The following TMEM117 variants were observed in gnomAD, a reference collection of about 807,000 sequenced individuals.
The protein encoded by TMEM117 is transmembrane protein 117.
In TMEM117, 27 loss-of-function variants were observed where a neutral mutation model predicts 52.4. The observed-to-expected ratio is 0.51, with a 90% confidence interval of 0.38 to 0.71. The LOEUF is 0.71. TMEM117 is among the 30% of genes least tolerant of loss of function. The probability of loss-of-function intolerance (pLI) is 0.00; values close to 1 mark genes in which losing one functional copy is unlikely to be tolerated. For missense variants in TMEM117, 556 were observed against 630.5 expected (o/e 0.88, Z 1.26); for synonymous variants, 215 against 206.3 (o/e 1.04, Z -0.36).
At chr12:44,188,289 C>T (rs1949305145) in intron 4 of TMEM117, among the ~76,000 whole-genome samples, 1 of 152,108 alleles carries the variant, frequency 6.6e-6, no homozygotes, top group Non-Finnish European at 1.5e-5. Flanking sequence ...TTCTGCTTAT[C>T]TTTTGCAGCT....
chr12:44,191,683 T>G (rs1248225579), intron 4 of TMEM117, among the ~76,000 whole-genome samples: 1 of 152,134 alleles, frequency 6.6e-6, no homozygotes, highest in Non-Finnish European at 1.5e-5. Context: ...TAGTACCTCA[T>G]CCAGGTCTCA....
intron 7 of TMEM117, among the ~76,000 whole-genome samples, chr12:44,381,977 A>G (rs1192081239): frequency 1.3e-5 from 2 of 152,214 alleles, no homozygotes; most frequent in Non-Finnish European, 2.9e-5. Context: ...CCCGAAGATC[A>G]TGAATTTATC....
At chr12:44,151,914 A>G (rs1204199224) in intron 4 of TMEM117, among the ~76,000 whole-genome samples, 3 of 127,140 alleles carry the variant, frequency 2.4e-5, no homozygotes, top group Non-Finnish European at 3.2e-5. Context: ...AATATATAAT[A>G]TATATTATAA....
At chr12:44,157,966 A>G (rs1160836734) in intron 4 of TMEM117, among the ~76,000 whole-genome samples, 22 of 152,164 alleles carry the variant, frequency 1.4e-4, no homozygotes, top group Admixed American at 1.4e-3. Flanking sequence ...TGAGTATTTG[A>G]GGCAAAAATT....
At chr12:44,027,735 A>G (rs967166960) in intron 3 of TMEM117, among the ~76,000 whole-genome samples, 11 of 152,198 alleles carry the variant, frequency 7.2e-5, no homozygotes, top group African/African-American at 9.6e-5. Context: ...AGGACTTTAG[A>G]ACTATCGTTT....
At chr12:44,063,888 C>G (rs938778430) in intron 3 of TMEM117, among the ~76,000 whole-genome samples, 1 of 152,062 alleles carries the variant, frequency 6.6e-6, no homozygotes, top group Non-Finnish European at 1.5e-5. Context: ...AGCGAAGGAG[C>G]TGTAAATTAA....
intron 4 of TMEM117, among the ~76,000 whole-genome samples, chr12:44,151,253 A>G (rs1237888891): frequency 6.6e-6 from 1 of 150,980 alleles, no homozygotes; most frequent in Non-Finnish European, 1.5e-5. Context: ...TCTATTACTT[A>G]GTTTATACTT....
At chr12:44,136,648 T>C (rs1295385464) in intron 3 of TMEM117, among the ~76,000 whole-genome samples, 1 of 152,152 alleles carries the variant, frequency 6.6e-6, no homozygotes, top group Non-Finnish European at 1.5e-5. Flanking sequence ...GTGCACTAAA[T>C]CATGTATTGA....
intron 6 of TMEM117, among the ~76,000 whole-genome samples, chr12:44,308,232 G>A (rs1950927965): frequency 6.6e-6 from 1 of 152,152 alleles, no homozygotes; most frequent in Non-Finnish European, 1.5e-5. Flanking sequence ...CTATACTACT[G>A]CAGATGGGCA....
chr12:43,906,840 G>A (rs1944399198), intron 2 of TMEM117, among the ~76,000 whole-genome samples: 1 of 152,234 alleles, frequency 6.6e-6, no homozygotes, highest in South Asian at 2.1e-4. Context: ...GGCTCGGAGG[G>A]TCCTACCCCC....
At chr12:44,053,202 C>T (rs1034798934) in intron 3 of TMEM117, among the ~76,000 whole-genome samples, 4 of 152,224 alleles carry the variant, frequency 2.6e-5, no homozygotes, top group African/African-American at 9.6e-5. Context: ...GCTACCTGCT[C>T]TTCTGCTCAA....
the TMEM117 span, among the ~76,000 whole-genome samples, chr12:43,821,916 G>C: frequency 6.6e-6 from 1 of 152,200 alleles, no homozygotes; most frequent in Non-Finnish European, 1.5e-5. Flanking sequence ...CATTTCTAAG[G>C]TGTCAGCCAT....
chr12:44,130,366 T>G (rs932802220), intron 3 of TMEM117, among the ~76,000 whole-genome samples: 6 of 152,180 alleles, frequency 3.9e-5, no homozygotes, highest in Non-Finnish European at 5.9e-5. Flanking sequence ...GTGATAAACC[T>G]CTCCCTTCCC....
the TMEM117 span, among the ~76,000 whole-genome samples, chr12:43,820,037 C>T: frequency 6.6e-6 from 1 of 152,046 alleles, no homozygotes; most frequent in African/African-American, 2.4e-5. Context: ...CATTATTATC[C>T]ATTGCATGTG....
At chr12:43,966,642 A>G (rs1734308810) in intron 3 of TMEM117, among the ~76,000 whole-genome samples, 2 of 152,194 alleles carry the variant, frequency 1.3e-5, no homozygotes, top group South Asian at 4.1e-4. Flanking sequence ...AGTACTATTA[A>G]TAATAGAGAA....
Position 44,181,285 on chromosome 12 carries a change from T to C in TMEM117, c.511-30005T>C, listed in dbSNP as rs1949194404. Reference sequence around the variant, plus strand: ...GTCAGATGAGTAGGTTGCGAAAATTTTCTCCCATTCTGTAGGTTGCCTGTT... The same window carrying C: ...GTCAGATGAGTAGGTTGCGAAAATTCTCTCCCATTCTGTAGGTTGCCTGTT... On this transcript the variant is annotated intron_variant, in intron 4 of 7. Coordinates refer to ENST00000266534, the MANE Select transcript of TMEM117 (RefSeq NM_032256.3). Among the ~76,000 whole-genome samples, 8 of 152,030 alleles carry C rather than the reference T, an allele frequency of 5.3e-5. No individual in the cohort carries two copies. The South Asian group carries it at 1.7e-3, about 32-fold the overall frequency.
At chr12:44,030,783 A>G (rs1389041129) in intron 3 of TMEM117, among the ~76,000 whole-genome samples, 1 of 152,212 alleles carries the variant, frequency 6.6e-6, no homozygotes, top group East Asian at 1.9e-4. Flanking sequence ...GTTAAGTTAA[A>G]TAGGATAAAG....
In TMEM117 at chr12:43,944,222, G is replaced by A. The variant is rs752235259; in HGVS notation, c.290G>A (p.Arg97Gln). 4.3e-6 allele frequency: 7 copies of A among 1,610,824 alleles called. No individual in the cohort carries two copies. The highest frequency in any genetic ancestry group is 1.3e-5 in the African/African-American group (1 of 74,798). The change falls in exon 3 of 8, where the codon CGA (arginine) becomes CAA (glutamine). Residue 97 changes from arginine to glutamine, a missense_variant. Arg to Gln is a conservative substitution (Grantham distance 43, BLOSUM62 1). Around this residue, in one of 3 missense-constraint regions of TMEM117, gnomAD observed 328 missense variants for 371.4 expected, o/e 0.88. Transcript: ENST00000266534. ...ATTTGTATTTCAGGTCAGTTGCTCC[G>A]ATTAAAAATGTTTCGAGAAGATCAT... ...FHQRLFGQLL[R>Q]LKMFREDHGS...
At chr12:43,799,386 G>C in the TMEM117 span, 1 of 1,562,200 alleles carries the variant, frequency 6.4e-7, no homozygotes, top group Admixed American at 1.7e-5. Flanking sequence ...AGACTTTGTA[G>C]TTGTAACTTA....
Sources: gnomAD v4.1 joint callset for allele counts (sites outside exome capture counted in the v4.1 genomes callset) on GRCh38, gnomAD v4.1.1 for gene constraint, gnomAD v4.1.1 regional missense constraint, MANE v1.5 for transcripts, NCBI Gene and HGNC (gene_info 2026-07-23, HGNC 2026-07-21) for gene names.